The following GALNTL6 variants were observed in gnomAD, a reference collection of about 807,000 sequenced individuals.
The protein encoded by GALNTL6 is polypeptide N-acetylgalactosaminyltransferase like 6.
In GALNTL6, 46 loss-of-function variants were observed where a neutral mutation model predicts 73.7. The ratio of observed to expected loss-of-function variants is 0.62; its 90% CI spans 0.49 to 0.80. The LOEUF (loss-of-function observed/expected upper bound fraction) is 0.80, where lower values mean the gene tolerates loss of function less well. Among genes scored for constraint, GALNTL6 ranks in the 30% least tolerant of loss-of-function variants. The probability of loss-of-function intolerance (pLI) is 0.00; values close to 1 mark genes in which losing one functional copy is unlikely to be tolerated. For missense variants in GALNTL6, 604 were observed against 755.0 expected (o/e 0.80, Z 2.34); for synonymous variants, 259 against 263.7 (o/e 0.98, Z 0.17).
At chr4:172,367,472 T>C (rs1477856841) in intron 5 of GALNTL6, among the ~76,000 whole-genome samples, 1 of 152,164 alleles carries the variant, frequency 6.6e-6, no homozygotes, top group East Asian at 1.9e-4. Context: ...ACCTTTTTTT[T>C]TGAGGTGGTA....
intron 2 of GALNTL6, among the ~76,000 whole-genome samples, chr4:172,093,860 T>C (rs191844243): frequency 6.6e-6 from 1 of 152,180 alleles, no homozygotes; most frequent in Non-Finnish European, 1.5e-5. Flanking sequence ...ACTGTTTAGT[T>C]GCAGGAAAAC....
At chr4:172,104,985 T>C (rs967498057) in intron 2 of GALNTL6, among the ~76,000 whole-genome samples, 4 of 152,052 alleles carry the variant, frequency 2.6e-5, no homozygotes, top group Non-Finnish European at 5.9e-5. Context: ...AGAAACAAAT[T>C]GCCTTGAAAA....
At chr4:172,440,552 T>G (rs1225665265) in intron 5 of GALNTL6, among the ~76,000 whole-genome samples, 1 of 152,146 alleles carries the variant, frequency 6.6e-6, no homozygotes, top group Non-Finnish European at 1.5e-5. Flanking sequence ...GATACTATAA[T>G]GATGGGTATC....
At chr4:172,446,658 A>G (rs1406440059) in intron 5 of GALNTL6, among the ~76,000 whole-genome samples, 2 of 152,164 alleles carry the variant, frequency 1.3e-5, no homozygotes, top group African/African-American at 4.8e-5. Context: ...CATAGGCCTC[A>G]TGGACCTCAC....
intron 2 of GALNTL6, among the ~76,000 whole-genome samples, chr4:171,959,013 T>C (rs943486561): frequency 1.3e-5 from 2 of 152,190 alleles, no homozygotes; most frequent in African/African-American, 4.8e-5. Flanking sequence ...GAAATGAATA[T>C]TGTAAAACAT....
At chr4:173,016,766 AT>A (rs1561088725) in intron 11 of GALNTL6, among the ~76,000 whole-genome samples, 1 of 152,172 alleles carries the variant, frequency 6.6e-6, no homozygotes, top group Admixed American at 6.5e-5. Context: ...TTGGGGGACT[AT>A]TGGAAGGGCA....
At chr4:172,336,927 T>C (rs1223537465) in intron 4 of GALNTL6, among the ~76,000 whole-genome samples, 1 of 152,226 alleles carries the variant, frequency 6.6e-6, no homozygotes, top group Non-Finnish European at 1.5e-5. Flanking sequence ...ATGTTTGTGC[T>C]CCAACATTGG....
chr4:171,816,611 TA>T, intron 2 of GALNTL6, among the ~76,000 whole-genome samples: 1 of 152,048 alleles, frequency 6.6e-6, no homozygotes, highest in Non-Finnish European at 1.5e-5. Context: ...GGGAAGAAAA[TA>T]AGCCCCAAAA....
chr4:172,195,497 A>G (rs1735733682), intron 2 of GALNTL6, among the ~76,000 whole-genome samples: 1 of 152,200 alleles, frequency 6.6e-6, no homozygotes, highest in African/African-American at 2.4e-5. Flanking sequence ...TCTTGGTACC[A>G]CTTGGCATTT....
At chr4:172,317,443 C>T (rs992393740) in intron 4 of GALNTL6, among the ~76,000 whole-genome samples, 3 of 152,100 alleles carry the variant, frequency 2.0e-5, no homozygotes, top group African/African-American at 7.2e-5. Context: ...TCAGTTATTT[C>T]TTTGTCTTCT....
chr4:171,927,045 GTGT>G (rs1738007639), intron 2 of GALNTL6, among the ~76,000 whole-genome samples: 1 of 151,446 alleles, frequency 6.6e-6, no homozygotes, highest in African/African-American at 2.4e-5. Flanking sequence ...TTTCTGTTGA[GTGT>G]TAAGGGGTGG....
intron 2 of GALNTL6, among the ~76,000 whole-genome samples, chr4:172,140,162 G>A (rs1023447698): frequency 4.6e-5 from 7 of 151,896 alleles, no homozygotes; most frequent in Admixed American, 1.3e-4. Flanking sequence ...CAGAAAATTC[G>A]TTACATTTCT....
At chr4:172,300,977 C>T (rs1403442798) in intron 3 of GALNTL6, among the ~76,000 whole-genome samples, 1 of 152,162 alleles carries the variant, frequency 6.6e-6, no homozygotes, top group African/African-American at 2.4e-5. Flanking sequence ...CACTTGGTTC[C>T]ATTCTCCCCG....
chr4:172,116,108 A>G (rs1477762821), intron 2 of GALNTL6, among the ~76,000 whole-genome samples: 4 of 152,090 alleles, frequency 2.6e-5, no homozygotes, highest in Non-Finnish European at 5.9e-5. Flanking sequence ...TAGGTATTAT[A>G]TGTGATTTTT....
chr4:172,469,458 A>AG (rs1256103991), intron 5 of GALNTL6, among the ~76,000 whole-genome samples: 2 of 151,794 alleles, frequency 1.3e-5, no homozygotes, highest in Non-Finnish European at 2.9e-5. Flanking sequence ...ATAAAAAAAA[A>AG]AAATAGCCAG....
chr4:171,944,263 G>A (rs929036326), intron 2 of GALNTL6, among the ~76,000 whole-genome samples: 2 of 151,884 alleles, frequency 1.3e-5, no homozygotes, highest in Admixed American at 6.6e-5. Context: ...CTATATTTTA[G>A]GGAAAACATT....
intron 2 of GALNTL6, among the ~76,000 whole-genome samples, chr4:171,996,749 A>G (rs925276783): frequency 6.7e-6 from 1 of 148,626 alleles, no homozygotes; most frequent in Non-Finnish European, 1.5e-5. Context: ...AAAAACTCAC[A>G]GTGTCTTAAG....
chr4:172,630,976 T>C (rs983860580), intron 5 of GALNTL6, among the ~76,000 whole-genome samples: 1 of 151,448 alleles, frequency 6.6e-6, no homozygotes, highest in African/African-American at 2.4e-5. Context: ...CAATAATATA[T>C]AGAGATGCAA....
rs556137293 is a variant in GALNTL6, at chr4:172,478,616, T to TGAGA, written c.553+129928_553+129931dup. On this transcript the variant is annotated intron_variant, in intron 5 of 12. Coordinates refer to ENST00000506823, the MANE Select transcript of GALNTL6 (RefSeq NM_001034845.3). The stretch of plus-strand genomic sequence containing the variant: ...TAGGCCTAGGCAAAGAGTTTATGAC[T>TGAGA]GAGACCTTGAAAGAAAATGCAACAA... Among the ~76,000 whole-genome samples, 62 of 152,254 alleles carry TGAGA rather than the reference T, an allele frequency of 4.1e-4. No homozygotes were observed. In the East Asian group the frequency reaches 6.8e-3, roughly 17 times the overall value.
Sources: gnomAD v4.1 joint callset for allele counts (sites outside exome capture counted in the v4.1 genomes callset) on GRCh38, gnomAD v4.1.1 for gene constraint, MANE v1.5 for transcripts, NCBI Gene and HGNC (gene_info 2026-07-23, HGNC 2026-07-21) for gene names.